The following PDE10A variants were observed in gnomAD, a reference collection of about 807,000 sequenced individuals.
The protein encoded by PDE10A is phosphodiesterase 10A, also known as cAMP and cAMP-inhibited cGMP 3',5'-cyclic phosphodiesterase 10A.
In PDE10A, 39 loss-of-function variants were observed where a neutral mutation model predicts 97.7. The ratio of observed to expected loss-of-function variants is 0.40; its 90% CI spans 0.31 to 0.52. PDE10A has a LOEUF of 0.52. Among genes scored for constraint, PDE10A ranks in the 20% least tolerant of loss-of-function variants. The pLI is 0.56. For missense variants in PDE10A, 731 were observed against 1,047.8 expected, an observed-to-expected ratio of 0.70 and a Z score of 4.17; for synonymous variants, 371 against 376.8, an observed-to-expected ratio of 0.98 and a Z score of 0.18.
At chr6:165,420,758 A>C (rs1261110702) in intron 10 of PDE10A, among the ~76,000 whole-genome samples, 1 of 152,228 alleles carries the variant, frequency 6.6e-6, no homozygotes, top group Non-Finnish European at 1.5e-5. Context: ...ACTATCAAAA[A>C]ATATTAGCAA....
chr6:165,921,589 A>C (rs1782754069), intron 1 of PDE10A, among the ~76,000 whole-genome samples: 1 of 152,212 alleles, frequency 6.6e-6, no homozygotes, highest in African/African-American at 2.4e-5. Context: ...AGCTAAGCTT[A>C]TGAAGAAGGG....
intron 18 of PDE10A, among the ~76,000 whole-genome samples, chr6:165,364,757 T>C (rs528450): frequency 0.42 from 63,681 of 151,994 alleles, 13,487 homozygotes; most frequent in African/African-American, 0.47. Context: ...TTAATAGTTA[T>C]ATTCTTTTTA....
intron 1 of PDE10A, among the ~76,000 whole-genome samples, chr6:165,825,599 G>A (rs552829272): frequency 2.0e-5 from 3 of 152,302 alleles, no homozygotes; most frequent in South Asian, 4.1e-4. Flanking sequence ...ACAAAACAAA[G>A]ACCAACAAAA....
intron 1 of PDE10A, among the ~76,000 whole-genome samples, chr6:165,929,784 C>A (rs1037711532): frequency 6.6e-6 from 1 of 152,224 alleles, no homozygotes; most frequent in Non-Finnish European, 1.5e-5. Flanking sequence ...CACCTAGCAC[C>A]GGGCTGGCTC....
At chr6:165,760,060 C>T (rs1793214073) in intron 1 of PDE10A, among the ~76,000 whole-genome samples, 1 of 152,136 alleles carries the variant, frequency 6.6e-6, no homozygotes, top group Non-Finnish European at 1.5e-5. Context: ...AAATCTGGTT[C>T]TACAAGAAAA....
intron 13 of PDE10A, among the ~76,000 whole-genome samples, chr6:165,400,177 C>G (rs1354506747): frequency 6.6e-6 from 1 of 151,344 alleles, no homozygotes; most frequent in Non-Finnish European, 1.5e-5. Context: ...GTACCATATA[C>G]AAATATTTAC....
chr6:165,603,848 T>G (rs908582568), intron 1 of PDE10A, among the ~76,000 whole-genome samples: 3 of 152,208 alleles, frequency 2.0e-5, no homozygotes, highest in African/African-American at 7.2e-5. Flanking sequence ...AGGGAACGGA[T>G]GAATAAAAGG....
intron 18 of PDE10A, among the ~76,000 whole-genome samples, chr6:165,358,518 T>TC (rs1783181832): frequency 6.6e-6 from 1 of 151,880 alleles, no homozygotes; most frequent in South Asian, 2.1e-4. Context: ...CCAGTTTTTT[T>TC]TTTTTAATGC....
intron 2 of PDE10A, among the ~76,000 whole-genome samples, chr6:165,507,148 G>C (rs1370225357): frequency 3.9e-5 from 6 of 151,986 alleles, no homozygotes; most frequent in African/African-American, 1.4e-4. Flanking sequence ...TTGAAATTTT[G>C]TCCTATATCT....
intron 1 of PDE10A, among the ~76,000 whole-genome samples, chr6:165,763,352 T>G (rs1793297052): frequency 6.6e-6 from 1 of 152,210 alleles, no homozygotes; most frequent in Admixed American, 6.5e-5. Flanking sequence ...AGATGGAGTC[T>G]TGCTCTGTCA....
chr6:165,494,929 T>C (rs1780452483), intron 2 of PDE10A, among the ~76,000 whole-genome samples: 3 of 152,062 alleles, frequency 2.0e-5, no homozygotes, highest in Non-Finnish European at 1.5e-5. Context: ...ATTTTAATAT[T>C]TCTAAGTGAA....
intron 1 of PDE10A, among the ~76,000 whole-genome samples, chr6:165,924,490 C>G (rs1031008605): frequency 2.0e-5 from 3 of 151,982 alleles, no homozygotes; most frequent in African/African-American, 7.3e-5. Flanking sequence ...TCTGTGTGTA[C>G]CATTCATGGT....
chr6:165,858,348 C>G (rs577997607), intron 1 of PDE10A, among the ~76,000 whole-genome samples: 1 of 152,298 alleles, frequency 6.6e-6, no homozygotes, highest in Non-Finnish European at 1.5e-5. Context: ...AGAAGCCCCT[C>G]AGGGGAGGCA....
intron 1 of PDE10A, among the ~76,000 whole-genome samples, chr6:165,976,022 A>C (rs1784834949): frequency 1.3e-5 from 2 of 152,226 alleles, no homozygotes; most frequent in South Asian, 4.1e-4. Flanking sequence ...TCAGAGACTG[A>C]ACAACAAAAA....
At chr6:165,462,849 T>C (rs1199530529) in intron 3 of PDE10A, among the ~76,000 whole-genome samples, 1 of 152,222 alleles carries the variant, frequency 6.6e-6, no homozygotes, top group African/African-American at 2.4e-5. Context: ...CAATCTTGGC[T>C]GGCAATAATG....
intron 7 of PDE10A, among the ~76,000 whole-genome samples, chr6:165,432,699 C>G (rs1240316570): frequency 6.6e-6 from 1 of 151,358 alleles, no homozygotes; most frequent in East Asian, 1.9e-4. Flanking sequence ...AGTCCTTCTA[C>G]TACTTTCTAT....
rs566241478 is a variant in PDE10A at position 165,476,353 on chromosome 6, T to C, written c.1023+5962A>G. ...ATTATCAACAGTATAATAAGACAGA[T>C]TGAAATGAAGAAGAAACACCCAAAA... On this transcript the variant is annotated intron_variant, in intron 3 of 21. Transcript: ENST00000539869. 4.6e-5 allele frequency among the ~76,000 whole-genome samples: 7 copies of C among 152,218 alleles called. No individual in the cohort carries two copies. The East Asian group carries it at 1.4e-3, about 29-fold the overall frequency.
rs1782982969 is a variant in PDE10A at position 165,927,675 on chromosome 6, T to C, written c.-615+59854A>G. Among the ~76,000 whole-genome samples, 3 of 128,650 alleles carry C rather than the reference T, an allele frequency of 2.3e-5. No homozygotes were observed. In the East Asian group the frequency reaches 6.8e-4, roughly 29 times the overall value. 84.4% of individuals were successfully genotyped at this position (128,650 alleles called of 152,430 possible). On this transcript the variant is annotated intron_variant, in intron 1 of 19. Transcript: ENST00000366882. Reference sequence around the variant, plus strand: ...ATATATATATATATATATATATATATATAGTTTTTTGTTTGTTTGTTTGTT... The same window carrying C: ...ATATATATATATATATATATATATACATAGTTTTTTGTTTGTTTGTTTGTT...
At chr6:165,936,361 C>T (rs1204844463) in intron 1 of PDE10A, among the ~76,000 whole-genome samples, 2 of 152,024 alleles carry the variant, frequency 1.3e-5, no homozygotes, top group East Asian at 1.9e-4. Flanking sequence ...ATATCACCCT[C>T]GTTTAAGATC....
Sources: gnomAD v4.1 joint callset for allele counts (sites outside exome capture counted in the v4.1 genomes callset) on GRCh38, gnomAD v4.1.1 for gene constraint, MANE v1.5 for transcripts, NCBI Gene and HGNC (gene_info 2026-07-23, HGNC 2026-07-21) for gene names.